The following PARD3B variants were observed in gnomAD, a reference collection of about 807,000 sequenced individuals.
PARD3B encodes the protein par-3 family cell polarity regulator beta.
PARD3B carries 103 observed loss-of-function variants against 130.2 expected under a neutral mutation model. The observed-to-expected ratio is 0.79, with a 90% CI of 0.67 to 0.93. PARD3B has a LOEUF of 0.93. Ranked by LOEUF, PARD3B falls within the 40% of genes least tolerant of loss-of-function variation. The probability of loss-of-function intolerance (pLI) is 0.00; values close to 1 mark genes in which losing one functional copy is unlikely to be tolerated. For synonymous variants in PARD3B, 583 were observed against 553.2 expected, an observed-to-expected ratio of 1.05 and a Z score of -0.76; for missense variants, 1,609 against 1,499.2, an observed-to-expected ratio of 1.07 and a Z score of -1.21.
intron 2 of PARD3B, among the ~76,000 whole-genome samples, chr2:204,863,790 A>T (rs2045306955): frequency 6.6e-6 from 1 of 152,240 alleles, no homozygotes; most frequent in Non-Finnish European, 1.5e-5. Context: ...GTATGACAAA[A>T]GACAGAGAGT....
chr2:204,582,299 T>C (rs910589066), intron 1 of PARD3B, among the ~76,000 whole-genome samples: 15 of 152,332 alleles, frequency 9.8e-5, no homozygotes, highest in Non-Finnish European at 2.1e-4. Flanking sequence ...TAGGACTGCC[T>C]TTGCAGTTGA....
rs77007613 is a variant in PARD3B at position 204,623,668 on chromosome 2, C to G, written c.121-62513C>G. On this transcript the variant is annotated intron_variant, in intron 1 of 22. Transcript: ENST00000406610. The surrounding 1 kb of genome is among the most constrained non-coding windows in gnomAD (Gnocchi z 4.5). ...GTGGTAAGAACACTTAACATGAGAT[C>G]TGTCCTCTTAACACTTTTGAACACA... 9.1e-3 allele frequency among the ~76,000 whole-genome samples: 1,381 copies of G among 152,196 alleles called. 25 individuals carry two copies. Among genetic ancestry groups the G allele is most frequent in the African/African-American group, 0.032 (1,321 of 41,542 alleles).
At chr2:205,599,729 A>C in intron 22 of PARD3B, among the ~76,000 whole-genome samples, 1 of 152,190 alleles carries the variant, frequency 6.6e-6, no homozygotes, top group East Asian at 1.9e-4. Context: ...TTCTGCATTC[A>C]GGTTCCAGTC....
chr2:205,292,905 C>T lies in PARD3B; in HGVS notation c.2186-7625C>T, dbSNP rs2041661402. The stretch of plus-strand genomic sequence containing the variant: ...CAAAAAATACCCAGTAAATAATTGT[C>T]AACAGCTGACTTGATTTTGGCTTGA... On this transcript the variant is annotated intron_variant, in intron 16 of 22. Coordinates refer to ENST00000406610, the MANE Select transcript of PARD3B (RefSeq NM_001302769.2). This position sits in a 1 kb window ranked among gnomAD's most constrained non-coding sequence, Gnocchi z 5.3. Among the ~76,000 whole-genome samples, 1 of 152,122 alleles carries T rather than the reference C, an allele frequency of 6.6e-6. No homozygotes were observed. The highest frequency in any genetic ancestry group is 2.4e-5 in the African/African-American group (1 of 41,444).
intron 1 of PARD3B, among the ~76,000 whole-genome samples, chr2:204,549,926 TA>T (rs66967039): frequency 0.6 from 90,888 of 151,152 alleles, 30,945 homozygotes; most frequent in Non-Finnish European, 0.75. Context: ...CTTTTCTCAT[TA>T]AAAAAAAACA....
intron 22 of PARD3B, among the ~76,000 whole-genome samples, chr2:205,582,901 GA>G (rs1405611957): frequency 7.9e-5 from 12 of 152,170 alleles, no homozygotes; most frequent in African/African-American, 2.9e-4. Context: ...GACAGCTGGG[GA>G]AAAGGGCACC....
intron 1 of PARD3B, among the ~76,000 whole-genome samples, chr2:204,611,227 A>C (rs1281127736): frequency 6.6e-6 from 1 of 152,232 alleles, no homozygotes; most frequent in African/African-American, 2.4e-5. Context: ...GGTGAGAAGC[A>C]GCTAGTGTCA....
Position 205,461,712 on chromosome 2 carries a change from T to C in PARD3B, c.3044+21040T>C, listed in dbSNP as rs141266743. Among the ~76,000 whole-genome samples the C allele has an allele frequency of 6.6e-6, 1 of 152,282 alleles. No homozygotes were observed. The highest frequency in any genetic ancestry group is 2.4e-5 in the African/African-American group (1 of 41,568). ...AGAACTTGTTAAACCACAGAAACCT[T>C]GGACTGCACCCACAGAGTTTCTGAT... On this transcript the variant is annotated intron_variant, in intron 20 of 22. Coordinates refer to ENST00000406610, the MANE Select transcript of PARD3B (RefSeq NM_001302769.2). This position sits in a 1 kb window ranked among gnomAD's most constrained non-coding sequence, Gnocchi z 4.3.
chr2:205,573,403 G>A (rs1342925914), intron 22 of PARD3B, among the ~76,000 whole-genome samples: 2 of 152,166 alleles, frequency 1.3e-5, no homozygotes, highest in Non-Finnish European at 2.9e-5. Context: ...GGAAGGATGG[G>A]TGTAAGGCTG....
chr2:204,748,185 C>T lies in PARD3B; in HGVS notation c.222+61903C>T, dbSNP rs560283777. On this transcript the variant is annotated intron_variant, in intron 2 of 22. Coordinates refer to ENST00000406610, the MANE Select transcript of PARD3B (RefSeq NM_001302769.2). ...AAGACAGGTTGGAATGCAGGTAGAG[C>T]TAGGCAGATGCCACATTTTTTTCTT... 4.6e-5 allele frequency among the ~76,000 whole-genome samples: 7 copies of T among 152,186 alleles called. No homozygotes were observed. In the South Asian group the frequency reaches 1.5e-3, roughly 32 times the overall value.
At chr2:204,592,086 C>T (rs1467044300) in intron 1 of PARD3B, among the ~76,000 whole-genome samples, 3 of 152,262 alleles carry the variant, frequency 2.0e-5, no homozygotes, top group Non-Finnish European at 2.9e-5. Context: ...CAATGCAGAC[C>T]TGCCCGGAGG....
At chr2:204,752,848 G>C (rs2040518086) in intron 2 of PARD3B, among the ~76,000 whole-genome samples, 2 of 152,046 alleles carry the variant, frequency 1.3e-5, no homozygotes, top group African/African-American at 4.8e-5. Context: ...TTCTTTTTAG[G>C]CTTAATTGGA....
intron 2 of PARD3B, among the ~76,000 whole-genome samples, chr2:204,749,763 A>G (rs1406783452): frequency 6.6e-6 from 1 of 152,182 alleles, no homozygotes; most frequent in African/African-American, 2.4e-5. Flanking sequence ...AATACTTTCT[A>G]CACCAGCTGA....
At chr2:205,496,555 C>T (rs1405572425) in intron 20 of PARD3B, among the ~76,000 whole-genome samples, 11 of 152,112 alleles carry the variant, frequency 7.2e-5, no homozygotes, top group Admixed American at 4.6e-4. Context: ...CCTGTTTTTT[C>T]TCTTGGGCCA....
intron 13 of PARD3B, among the ~76,000 whole-genome samples, chr2:205,180,683 C>T (rs1216388343): frequency 6.6e-6 from 1 of 151,630 alleles, no homozygotes; most frequent in African/African-American, 2.4e-5. Context: ...TAGTACATAC[C>T]ACCCACAGTT....
intron 2 of PARD3B, among the ~76,000 whole-genome samples, chr2:204,839,635 T>C (rs1205040146): frequency 6.6e-6 from 1 of 152,194 alleles, no homozygotes; most frequent in Non-Finnish European, 1.5e-5. Context: ...GTTCCCTGTA[T>C]GTCCCTCCTT....
intron 16 of PARD3B, among the ~76,000 whole-genome samples, chr2:205,260,568 T>C (rs1248895793): frequency 6.6e-6 from 1 of 152,148 alleles, no homozygotes; most frequent in African/African-American, 2.4e-5. Flanking sequence ...TGTGCTTTTC[T>C]TCAGAGAGGA....
intron 1 of PARD3B, among the ~76,000 whole-genome samples, chr2:204,601,283 G>A (rs2033500427): frequency 6.6e-6 from 1 of 151,934 alleles, no homozygotes; most frequent in Non-Finnish European, 1.5e-5. Context: ...CTTAATGAGT[G>A]TCAGGTAATT....
chr2:204,868,983 T>A (rs1042704788), intron 2 of PARD3B, among the ~76,000 whole-genome samples: 1 of 152,166 alleles, frequency 6.6e-6, no homozygotes, highest in African/African-American at 2.4e-5. Context: ...ATACATGAAG[T>A]TACATGTATT....
Sources: allele counts gnomAD v4.1 joint callset (sites outside exome capture counted in the v4.1 genomes callset), GRCh38; gene constraint gnomAD v4.1.1; non-coding constraint Gnocchi (gnomAD v3.1); transcripts MANE v1.5; gene names NCBI Gene and HGNC (gene_info 2026-07-23, HGNC 2026-07-21).